LAMA2: variants seen among roughly 807,000 people sequenced by gnomAD.
The protein encoded by LAMA2 is laminin subunit alpha-2.
Under a neutral mutation model 364.8 loss-of-function variants are expected in LAMA2, and 269 were observed. The ratio of observed to expected loss-of-function variants is 0.74; its 90% CI spans 0.67 to 0.82. LAMA2 has a LOEUF of 0.82. Among genes scored for constraint, LAMA2 ranks in the 40% least tolerant of loss-of-function variants. The pLI, the probability that LAMA2 is intolerant of heterozygous loss-of-function variation, is 0.00. For synonymous variants in LAMA2, 1,379 were observed against 1,370.6 expected (o/e 1.01, Z -0.14); for missense variants, 3,807 against 3,873.2 (o/e 0.98, Z 0.45).
intron 3 of LAMA2, among the ~76,000 whole-genome samples, chr6:129,090,521 C>T (rs982307047): frequency 6.6e-6 from 1 of 152,072 alleles, no homozygotes; most frequent in Non-Finnish European, 1.5e-5. Flanking sequence ...TGCATTTGTT[C>T]GATATATCTA....
intron 29 of LAMA2, among the ~76,000 whole-genome samples, chr6:129,330,007 A>T (rs1448730952): frequency 6.6e-6 from 1 of 151,822 alleles, no homozygotes; most frequent in Non-Finnish European, 1.5e-5. Flanking sequence ...CATGTGAGGG[A>T]TCTAGGTTGT....
chr6:129,341,003 C>G (rs1776239629), intron 29 of LAMA2, among the ~76,000 whole-genome samples: 2 of 152,052 alleles, frequency 1.3e-5, no homozygotes, highest in Admixed American at 1.3e-4. Flanking sequence ...CTAAAATTCA[C>G]TGTGGCAATG....
chr6:129,416,828 G>A (rs1024094526), intron 40 of LAMA2, among the ~76,000 whole-genome samples: 2 of 152,210 alleles, frequency 1.3e-5, no homozygotes, highest in Non-Finnish European at 2.9e-5. Context: ...GTGAGTGAGC[G>A]TGGGCTCCAG....
chr6:128,901,779 TAGG>T (rs1777098971), intron 1 of LAMA2, among the ~76,000 whole-genome samples: 1 of 152,234 alleles, frequency 6.6e-6, no homozygotes, highest in Non-Finnish European at 1.5e-5. Flanking sequence ...TCTCAAGTCT[TAGG>T]AGAATATTTA....
At chr6:129,231,835 A>G (rs1281260674) in intron 12 of LAMA2, among the ~76,000 whole-genome samples, 1 of 152,134 alleles carries the variant, frequency 6.6e-6, no homozygotes, top group Non-Finnish European at 1.5e-5. Context: ...CATCTTAGAC[A>G]TAAAACAATT....
intron 40 of LAMA2, among the ~76,000 whole-genome samples, chr6:129,413,264 C>T (rs989172755): frequency 6.6e-6 from 1 of 151,766 alleles, no homozygotes; most frequent in Non-Finnish European, 1.5e-5. Context: ...AAATTATGAG[C>T]CTGCAAGGTC....
rs148994827 is a variant in LAMA2, at chr6:128,891,144, C to A, written c.112+7787C>A. 8.0e-3 allele frequency among the ~76,000 whole-genome samples: 1,224 copies of A among 152,078 alleles called. 15 individuals carry two copies. The highest frequency in any genetic ancestry group is 0.027 in the African/African-American group (1,122 of 41,532). On this transcript the variant is annotated intron_variant, in intron 1 of 64. Transcript: ENST00000421865. ...TCTTAAGGTATTAGATTTTGTTTATCAAAATCTTTGAATAAGAAAATCTAA... is the reference window on the plus strand; with the variant it reads ...TCTTAAGGTATTAGATTTTGTTTATAAAAATCTTTGAATAAGAAAATCTAA...
chr6:129,493,778 C>T (rs927667439), intron 58 of LAMA2, among the ~76,000 whole-genome samples: 1 of 152,170 alleles, frequency 6.6e-6, no homozygotes, highest in Non-Finnish European at 1.5e-5. Flanking sequence ...AACCAACCCA[C>T]TCACACCACT....
At chr6:129,076,495 A>AT (rs1403321539) in intron 3 of LAMA2, among the ~76,000 whole-genome samples, 2 of 12,024 alleles carry the variant, frequency 1.7e-4, no homozygotes, top group Non-Finnish European at 2.7e-4. Flanking sequence ...TATATATTAT[A>AT]TATAAATATA....
chr6:129,033,026 A>G (rs1264130136), intron 1 of LAMA2, among the ~76,000 whole-genome samples: 1 of 152,058 alleles, frequency 6.6e-6, no homozygotes, highest in Non-Finnish European at 1.5e-5. Flanking sequence ...AAAAATGGAG[A>G]TTTAACCAGG....
At chr6:129,066,071 A>T (rs1168103032) in intron 3 of LAMA2, among the ~76,000 whole-genome samples, 2 of 25,742 alleles carry the variant, frequency 7.8e-5, no homozygotes, top group African/African-American at 2.0e-4. Context: ...TTTGAGACGC[A>T]GTCTCGCTCT....
intron 12 of LAMA2, among the ~76,000 whole-genome samples, chr6:129,197,487 C>T (rs991001178): frequency 6.6e-6 from 1 of 152,246 alleles, no homozygotes; most frequent in African/African-American, 2.4e-5. Flanking sequence ...GCCCCCACCT[C>T]GCTTCAAGAT....
intron 3 of LAMA2, among the ~76,000 whole-genome samples, chr6:129,067,086 A>T (rs1448804671): frequency 2.0e-5 from 3 of 152,244 alleles, no homozygotes; most frequent in African/African-American, 7.2e-5. Flanking sequence ...TTAAACTGAA[A>T]CACATCTGGA....
chr6:128,949,039 A>G (rs1381059892), intron 1 of LAMA2, among the ~76,000 whole-genome samples: 1 of 152,240 alleles, frequency 6.6e-6, no homozygotes, highest in East Asian at 1.9e-4. Context: ...CCCCCGATGT[A>G]GGATAAATAT....
chr6:129,140,482 C>A (rs1405496323), intron 4 of LAMA2, among the ~76,000 whole-genome samples: 1 of 152,042 alleles, frequency 6.6e-6, no homozygotes, highest in Non-Finnish European at 1.5e-5. Context: ...AACATACACC[C>A]ACCAACATGT....
At chr6:129,484,189 G>C (rs1222244121) in intron 55 of LAMA2, among the ~76,000 whole-genome samples, 1 of 152,196 alleles carries the variant, frequency 6.6e-6, no homozygotes, top group Non-Finnish European at 1.5e-5. Context: ...AGGGAATACA[G>C]TCCTTGTCCC....
rs113695800 is a variant in LAMA2 at position 129,260,902 on chromosome 6, GT to G, written c.2208+88del. 1.5e-3 allele frequency: 1,238 copies of G among 846,572 alleles called. 10 individuals carry two copies. In the African/African-American group the frequency reaches 0.016, roughly 11 times the overall value. The allele number at this position is 846,572 out of a possible 1,614,324, so 52.4% of individuals were successfully genotyped here. On this transcript the variant is annotated intron_variant, in intron 15 of 64. Coordinates refer to ENST00000421865, the MANE Select transcript of LAMA2 (RefSeq NM_000426.4). ...TCAATAACCTATTCTAATAAGAGCT[GT>G]TTTTTTTCTATCAATAATTACACAA...
intron 1 of LAMA2, among the ~76,000 whole-genome samples, chr6:129,022,044 C>T (rs368996804): frequency 1.1e-4 from 17 of 152,114 alleles, no homozygotes; most frequent in African/African-American, 3.4e-4. Context: ...AAGAAAACAG[C>T]GGTACAAATC....
At chr6:129,486,180 T>C (rs1298751112) in intron 55 of LAMA2, among the ~76,000 whole-genome samples, 1 of 152,050 alleles carries the variant, frequency 6.6e-6, no homozygotes, top group East Asian at 1.9e-4. Flanking sequence ...TCCTGATGGG[T>C]TTTATAAGTT....
Sources: allele counts gnomAD v4.1 joint callset (sites outside exome capture counted in the v4.1 genomes callset), GRCh38; gene constraint gnomAD v4.1.1; transcripts MANE v1.5; gene names NCBI Gene and HGNC (gene_info 2026-07-23, HGNC 2026-07-21).